The following PLCL2 variants were observed in gnomAD, a reference collection of about 807,000 sequenced individuals.
PLCL2 encodes inactive phospholipase C-like protein 2.
A neutral mutation model predicts 79.6 loss-of-function variants in PLCL2; 4 were observed. The observed-to-expected ratio is 0.05, with a 90% confidence interval of 0.02 to 0.11. The LOEUF is 0.11. Among genes scored for constraint, PLCL2 ranks in the 10% least tolerant of loss-of-function variants. PLCL2 has a pLI of 1.00. For missense variants in PLCL2, 895 were observed against 1,291.0 expected, an observed-to-expected ratio of 0.69 and a Z score of 4.70; for synonymous variants, 484 against 457.7, an observed-to-expected ratio of 1.06 and a Z score of -0.73.
intron 1 of PLCL2, among the ~76,000 whole-genome samples, chr3:16,980,710 C>T (rs1033883273): frequency 1.8e-4 from 27 of 152,162 alleles, no homozygotes; most frequent in African/African-American, 3.6e-4. Context: ...CAGGCGGAGA[C>T]GCCCCTCGCT....
chr3:17,011,816 C>T lies in PLCL2; in HGVS notation c.2470C>T (p.Leu824=), dbSNP rs1303653280. 6.2e-7 allele frequency: 1 copy of T among 1,614,234 alleles called. No homozygotes were observed. The highest frequency in any genetic ancestry group is 8.5e-7 in the Non-Finnish European group (1 of 1,180,030). ...SFEFQINLPE[L]AMVRFVVLDD... ...TGAATTTCAAATCAACCTGCCTGAA[C>T]TGGCCATGGTGCGCTTTGTAGTGCT... The change falls in exon 2 of 6, where the codon CTG becomes TTG. Residue 824 remains leucine, a synonymous_variant. Transcript: ENST00000615277. The surrounding 1 kb of genome is among the most constrained non-coding windows in gnomAD (Gnocchi z 7.9).
At chr3:17,048,738 G>A (rs893127249) in intron 4 of PLCL2, among the ~76,000 whole-genome samples, 5 of 152,186 alleles carry the variant, frequency 3.3e-5, no homozygotes, top group Non-Finnish European at 5.9e-5. Context: ...AATCATCTCT[G>A]ACTGAGCAGT....
chr3:17,020,672 A>G (rs2064440631), intron 3 of PLCL2, among the ~76,000 whole-genome samples: 1 of 152,160 alleles, frequency 6.6e-6, no homozygotes, highest in South Asian at 2.1e-4. Context: ...GGGAAGAACA[A>G]GATGCTTTGT....
chr3:17,075,018 T>A (rs1347885649), intron 5 of PLCL2, among the ~76,000 whole-genome samples: 1 of 152,254 alleles, frequency 6.6e-6, no homozygotes, highest in Non-Finnish European at 1.5e-5. Context: ...TCACAAACTT[T>A]TCCTTTGCAT....
At chr3:16,975,253 A>G (rs2063912926) in intron 1 of PLCL2, among the ~76,000 whole-genome samples, 1 of 152,180 alleles carries the variant, frequency 6.6e-6, no homozygotes, top group Non-Finnish European at 1.5e-5. Context: ...CCAGCTCCCC[A>G]GGGAAGTCTT....
intron 1 of PLCL2, among the ~76,000 whole-genome samples, chr3:16,979,980 C>A (rs1227477403): frequency 6.8e-6 from 1 of 146,200 alleles, no homozygotes; most frequent in Non-Finnish European, 1.5e-5. Context: ...ACCCCCCCAA[C>A]CTCCCTCCTG....
At chr3:16,966,052 A>G (rs1253017280) in intron 1 of PLCL2, among the ~76,000 whole-genome samples, 52 of 152,102 alleles carry the variant, frequency 3.4e-4, no homozygotes, top group African/African-American at 1.2e-3. Context: ...TTCCAACACT[A>G]TGTTGAATAG....
chr3:17,060,260 T>G (rs2064937399), intron 4 of PLCL2, among the ~76,000 whole-genome samples: 1 of 152,220 alleles, frequency 6.6e-6, no homozygotes, highest in South Asian at 2.1e-4. Context: ...ATATAATTCA[T>G]TCACAAATTG....
chr3:16,993,907 G>A (rs9810017), intron 1 of PLCL2, among the ~76,000 whole-genome samples: 2 of 151,882 alleles, frequency 1.3e-5, no homozygotes, highest in Non-Finnish European at 2.9e-5. Flanking sequence ...ATGTTCTGTG[G>A]CATATTATTT....
At chr3:17,054,239 C>T (rs1182825985) in intron 4 of PLCL2, among the ~76,000 whole-genome samples, 2 of 152,168 alleles carry the variant, frequency 1.3e-5, no homozygotes, top group Non-Finnish European at 2.9e-5. Context: ...TTTGCTAAAG[C>T]ATAGCAAAAG....
At chr3:16,894,015 C>A (rs1559478178) in intron 1 of PLCL2, among the ~76,000 whole-genome samples, 1 of 152,140 alleles carries the variant, frequency 6.6e-6, no homozygotes. Context: ...GCCTCTGTTG[C>A]TTTTGACCAA....
chr3:17,082,429 G>A (rs560146317), intron 5 of PLCL2, among the ~76,000 whole-genome samples: 11 of 152,200 alleles, frequency 7.2e-5, no homozygotes, highest in Non-Finnish European at 1.6e-4. Context: ...ACCGCGCCTG[G>A]CCAGAATTGT....
At chr3:16,975,657 C>T (rs1052601815) in intron 1 of PLCL2, among the ~76,000 whole-genome samples, 4 of 152,004 alleles carry the variant, frequency 2.6e-5, no homozygotes, top group East Asian at 1.9e-4. Context: ...GTGGTTGGGA[C>T]GTGGGGCGGC....
chr3:17,008,883 T>A (rs1441201106), intron 1 of PLCL2, among the ~76,000 whole-genome samples: 1 of 152,184 alleles, frequency 6.6e-6, no homozygotes, highest in Non-Finnish European at 1.5e-5. Context: ...TGTGGCAAGA[T>A]CATAGCTCAT....
At chr3:16,945,378 T>G (rs942525241) in intron 1 of PLCL2, among the ~76,000 whole-genome samples, 6 of 152,132 alleles carry the variant, frequency 3.9e-5, no homozygotes, top group Non-Finnish European at 7.4e-5. Flanking sequence ...ATTGTGTTGG[T>G]TTTTTATTAT....
At chr3:17,018,160 A>T (rs1350341653) in intron 3 of PLCL2, among the ~76,000 whole-genome samples, 2 of 152,186 alleles carry the variant, frequency 1.3e-5, no homozygotes, top group Non-Finnish European at 2.9e-5. Flanking sequence ...CTGGAGTCAG[A>T]GACATGAGTG....
At chr3:16,901,474 A>G (rs548155566) in intron 1 of PLCL2, among the ~76,000 whole-genome samples, 1 of 152,196 alleles carries the variant, frequency 6.6e-6, no homozygotes, top group Non-Finnish European at 1.5e-5. Flanking sequence ...TGGCAAGGGC[A>G]TCTATGTATG....
At chr3:16,916,355 G>T (rs1284253190) in intron 1 of PLCL2, among the ~76,000 whole-genome samples, 2 of 152,160 alleles carry the variant, frequency 1.3e-5, no homozygotes, top group Non-Finnish European at 2.9e-5. Context: ...TTTCTGTAGT[G>T]AATTAGTCCC....
rs574296289 is a variant in PLCL2, at chr3:16,972,128, G to A, written c.328-37546G>A. Among the ~76,000 whole-genome samples the A allele has an allele frequency of 3.3e-5, 5 of 152,230 alleles. No individual in the cohort carries two copies. The South Asian group carries it at 1.0e-3, about 32-fold the overall frequency. On this transcript the variant is annotated intron_variant, in intron 1 of 5. Coordinates refer to ENST00000615277, the MANE Select transcript of PLCL2 (RefSeq NM_001144382.2). Reference sequence around the variant, plus strand: ...CCTTTGAAAACTGGCACAAGACAGGGATGCCCCCTCTCACCACTCCTATTC... The same window carrying A: ...CCTTTGAAAACTGGCACAAGACAGGAATGCCCCCTCTCACCACTCCTATTC...
Sources: gnomAD v4.1 joint callset for allele counts (sites outside exome capture counted in the v4.1 genomes callset) on GRCh38, gnomAD v4.1.1 for gene constraint, Gnocchi (gnomAD v3.1) non-coding constraint, MANE v1.5 for transcripts, NCBI Gene and HGNC (gene_info 2026-07-23, HGNC 2026-07-21) for gene names.